JMJD1C: variants seen among roughly 807,000 people sequenced by gnomAD.
JMJD1C encodes the protein jumonji domain containing 1C.
JMJD1C carries 31 observed loss-of-function variants against 245.3 expected under a neutral mutation model. The ratio of observed to expected loss-of-function variants is 0.13; its 90% confidence interval spans 0.09 to 0.17. The LOEUF is 0.17. Ranked by LOEUF, JMJD1C falls within the 10% of genes least tolerant of loss-of-function variation. The probability of loss-of-function intolerance (pLI) is 1.00; values close to 1 mark genes in which losing one functional copy is unlikely to be tolerated. For synonymous variants in JMJD1C, 1,057 were observed against 1,017.4 expected (o/e 1.04, Z -0.74); for missense variants, 2,691 against 3,000.2 (o/e 0.90, Z 2.41).
At chr10:63,506,477 T>C (rs1954720680) in intron 1 of JMJD1C, among the ~76,000 whole-genome samples, 2 of 152,256 alleles carry the variant, frequency 1.3e-5, no homozygotes, top group African/African-American at 4.8e-5. Context: ...ACTTGCACCA[T>C]GTACTTTTCT....
At chr10:63,386,990 A>G (rs1361350165) in intron 1 of JMJD1C, among the ~76,000 whole-genome samples, 3 of 152,214 alleles carry the variant, frequency 2.0e-5, no homozygotes, top group Non-Finnish European at 1.5e-5. Context: ...ATTCCCTAAT[A>G]AAATGTCACC....
chr10:63,496,035 TA>T (rs1016095824), intron 1 of JMJD1C, among the ~76,000 whole-genome samples: 205 of 112,990 alleles, frequency 1.8e-3, no homozygotes, highest in Admixed American at 2.1e-3. Flanking sequence ...GCAATTGCAC[TA>T]AAAAAAAAAA....
In JMJD1C at chr10:63,465,818, G is replaced by A; in HGVS notation, c.-156C>T. 1 of 840,656 alleles carries A rather than the reference G, an allele frequency of 1.2e-6. No individual in the cohort carries two copies. Among genetic ancestry groups the A allele is most frequent in the East Asian group, 2.6e-5 (1 of 38,014 alleles). 52.1% of individuals were successfully genotyped at this position (840,656 alleles called of 1,614,324 possible). On this transcript the variant is annotated 5_prime_UTR_variant, in exon 1 of 26. Transcript: ENST00000399262. ...GGGACGAACCGGCCGCTCTGCCCCG[G>A]ACACAGCGACCTCGGGCCCTCCCCG...
chr10:63,288,744 T>C (rs778387979), intron 2 of JMJD1C, among the ~76,000 whole-genome samples: 7 of 152,022 alleles, frequency 4.6e-5, no homozygotes, highest in Non-Finnish European at 8.8e-5. Flanking sequence ...CTGGACATGG[T>C]GGCACATGCC....
intron 1 of JMJD1C, among the ~76,000 whole-genome samples, chr10:63,416,322 C>G (rs1318372503): frequency 6.8e-6 from 1 of 147,868 alleles, no homozygotes; most frequent in East Asian, 2.0e-4. Flanking sequence ...ACATAATTCA[C>G]AAAACAATCA....
chr10:63,234,221 T>C (rs1299499011), intron 3 of JMJD1C, among the ~76,000 whole-genome samples: 2 of 147,226 alleles, frequency 1.4e-5, no homozygotes, highest in Non-Finnish European at 3.0e-5. Context: ...TTAGAGTCTC[T>C]TGAAAACAAA....
chr10:63,420,492 CT>C (rs931577146), intron 1 of JMJD1C, among the ~76,000 whole-genome samples: 2 of 151,592 alleles, frequency 1.3e-5, no homozygotes, highest in African/African-American at 4.9e-5. Context: ...ATCGCTTGAA[CT>C]TTGTAGTTCA....
At chr10:63,461,517 C>A (rs147243760) in intron 1 of JMJD1C, among the ~76,000 whole-genome samples, 1 of 152,284 alleles carries the variant, frequency 6.6e-6, no homozygotes, top group East Asian at 1.9e-4. Context: ...TATGCGAAAT[C>A]ATAAATCACT....
At chr10:63,354,323 TTTC>T (rs1944617142) in intron 2 of JMJD1C, among the ~76,000 whole-genome samples, 1 of 152,240 alleles carries the variant, frequency 6.6e-6, no homozygotes, top group Non-Finnish European at 1.5e-5. Context: ...ATTGTATATT[TTTC>T]TTAACCTAAA....
chr10:63,271,899 C>A (rs1213561631), intron 2 of JMJD1C, among the ~76,000 whole-genome samples: 1 of 151,882 alleles, frequency 6.6e-6, no homozygotes, highest in Non-Finnish European at 1.5e-5. Context: ...TCATGGCAAA[C>A]CCCGTTTGTA....
intron 2 of JMJD1C, among the ~76,000 whole-genome samples, chr10:63,374,155 A>G (rs371563687): frequency 1.3e-5 from 2 of 152,322 alleles, no homozygotes; most frequent in African/African-American, 4.8e-5. Context: ...AAAGGTTATA[A>G]TATCTGTAAT....
intron 2 of JMJD1C, among the ~76,000 whole-genome samples, chr10:63,271,823 G>A (rs191975591): frequency 6.6e-6 from 1 of 152,182 alleles, no homozygotes; most frequent in East Asian, 1.9e-4. Context: ...GTTAGCTACT[G>A]AAAAGAGGCC....
intron 2 of JMJD1C, among the ~76,000 whole-genome samples, chr10:63,282,459 A>G (rs1857524026): frequency 6.6e-6 from 1 of 152,244 alleles, no homozygotes; most frequent in Admixed American, 6.5e-5. Flanking sequence ...CAGCAGTGAA[A>G]TATCAAAGTA....
intron 8 of JMJD1C, among the ~76,000 whole-genome samples, chr10:63,210,715 G>GT (rs1178419869): frequency 6.6e-6 from 1 of 152,192 alleles, no homozygotes; most frequent in African/African-American, 2.4e-5. Flanking sequence ...GAATAAACAT[G>GT]TGAGTGCAAC....
At chr10:63,463,601 T>C (rs1013356839) in intron 1 of JMJD1C, among the ~76,000 whole-genome samples, 2 of 152,172 alleles carry the variant, frequency 1.3e-5, no homozygotes, top group Non-Finnish European at 2.9e-5. Flanking sequence ...AAATCTAAAA[T>C]GGTAGATTCT....
Position 63,458,742 on chromosome 10 carries a change from G to C in JMJD1C, c.168+6753C>G, listed in dbSNP as rs375568238. 2.5e-5 allele frequency among the ~76,000 whole-genome samples: 3 copies of C among 120,822 alleles called. No homozygotes were observed. In the East Asian group the frequency reaches 9.4e-4, roughly 38 times the overall value. The allele number at this position is 120,822 out of a possible 152,430, so 79.3% of individuals were successfully genotyped here. ...TTTTTTATTTATTTATTTTTTTTTTGAGGAACAGTCTCACTTTGTCACCCA... is the reference window on the plus strand; with the variant it reads ...TTTTTTATTTATTTATTTTTTTTTTCAGGAACAGTCTCACTTTGTCACCCA... On this transcript the variant is annotated intron_variant, in intron 1 of 25. Coordinates refer to ENST00000399262, the MANE Select transcript of JMJD1C (RefSeq NM_032776.3).
At chr10:63,296,390 T>C (rs955855894) in intron 2 of JMJD1C, among the ~76,000 whole-genome samples, 2 of 152,128 alleles carry the variant, frequency 1.3e-5, no homozygotes, top group African/African-American at 4.8e-5. Flanking sequence ...CTAACACATG[T>C]ATTTTCCACA....
intron 13 of JMJD1C, 78 bp downstream of exon 13, chr10:63,197,333 A>C (rs1845569649): frequency 1.1e-5 from 14 of 1,242,322 alleles, no homozygotes; most frequent in Non-Finnish European, 1.6e-5. Flanking sequence ...GAATAAAAAA[A>C]CACATCTCAT....
chr10:63,484,585 A>AT (rs1953934849), intron 1 of JMJD1C, among the ~76,000 whole-genome samples: 1 of 152,104 alleles, frequency 6.6e-6, no homozygotes, highest in South Asian at 2.1e-4. Context: ...TTGAAAACAT[A>AT]AGATCTTGAT....
Sources: allele counts gnomAD v4.1 joint callset (sites outside exome capture counted in the v4.1 genomes callset), GRCh38; gene constraint gnomAD v4.1.1; transcripts MANE v1.5; gene names NCBI Gene and HGNC (gene_info 2026-07-23, HGNC 2026-07-21).